Variants in BID observed in about 807,000 individuals in gnomAD.
The protein encoded by BID is BH3 interacting domain death agonist.
A neutral mutation model predicts 17.4 loss-of-function variants in BID; 19 were observed. That is an observed-to-expected ratio of 1.09 (90% CI 0.76 to 1.60). The LOEUF is 1.60. Ranked by LOEUF, BID falls within the 40% of genes most tolerant of loss-of-function variation. BID has a pLI of 0.00. For synonymous variants in BID, 108 were observed against 102.8 expected, an observed-to-expected ratio of 1.05 and a Z score of -0.31; for missense variants, 226 against 256.0, an observed-to-expected ratio of 0.88 and a Z score of 0.80.
intron 1 of BID, 90 bp from the exon 2 acceptor site, chr22:17,750,264 G>C (rs2061527776): frequency 8.7e-7 from 1 of 1,147,528 alleles, no homozygotes; most frequent in South Asian, 1.3e-5. Context: ...CTGTGCTCCA[G>C]AAATGGCGGC....
chr22:17,767,221 C>G (rs2061685395), intron 1 of BID, among the ~76,000 whole-genome samples: 2 of 37,158 alleles, frequency 5.4e-5, no homozygotes, highest in Non-Finnish European at 9.1e-5. Context: ...GAGATTCCAT[C>G]TCAAAAAAAA....
At chr22:17,745,575 A>T (rs914224989) in intron 2 of BID, among the ~76,000 whole-genome samples, 3 of 152,108 alleles carry the variant, frequency 2.0e-5, no homozygotes, top group Non-Finnish European at 4.4e-5. Context: ...ACTTGAGCCC[A>T]GAAGTTTGAG....
chr22:17,773,544 GC>G lies in BID; in HGVS notation c.-59+836del. 6.4e-7 allele frequency: 1 copy of G among 1,566,144 alleles called. No homozygotes were observed. ...GGGTGGGTCCATCTGCTCCTCACCT[GC>G]CCCAACCCTGCCTGCAGGTGAAGGC... On this transcript the variant is annotated intron_variant, in intron 1 of 5. Transcript: ENST00000622694. The surrounding 1 kb of genome is among the most constrained non-coding windows in gnomAD (Gnocchi z 4.4).
rs749551829 is a variant in BID at position 17,743,819 on chromosome 22, C to G, written c.207G>C (p.Leu69Phe). ...TDGNRSSHSR[L>F]GRIEADSESQ... ...GCCGCCTACCTGCCTCTATTCTTCC[C>G]AAGCGGGAGTGGCTGCTGCGGTTGC... Residue 69 changes from leucine to phenylalanine, a missense_variant, in exon 3 of 6, where the codon TTG becomes TTC. By Grantham distance (22) the Leu-to-Phe change is conservative. Coordinates refer to ENST00000622694, the MANE Select transcript of BID (RefSeq NM_001196.4). 1.9e-6 allele frequency: 3 copies of G among 1,612,724 alleles called. No homozygotes were observed. The highest frequency in any genetic ancestry group is 2.5e-6 in the Non-Finnish European group (3 of 1,179,584).
rs555576055 is a variant in BID, at chr22:17,758,275, G to A, written c.-58-8101C>T. Reference sequence around the variant, plus strand: ...CCTCGCAGGCACTGACTCCACGGTCGCCTCAGTTCCTCTAGAAGTGGCTGG... The same window carrying A: ...CCTCGCAGGCACTGACTCCACGGTCACCTCAGTTCCTCTAGAAGTGGCTGG... On this transcript the variant is annotated intron_variant, in intron 1 of 5. Coordinates refer to ENST00000622694, the MANE Select transcript of BID (RefSeq NM_001196.4). 6.6e-5 allele frequency among the ~76,000 whole-genome samples: 10 copies of A among 152,338 alleles called. No individual in the cohort carries two copies. In the East Asian group the frequency reaches 9.6e-4, roughly 15 times the overall value.
chr22:17,749,302 T>G (rs952615967), intron 2 of BID, among the ~76,000 whole-genome samples: 21 of 152,210 alleles, frequency 1.4e-4, no homozygotes, highest in African/African-American at 5.1e-4. Flanking sequence ...GGGAGCGTCC[T>G]GCTGAAGGCG....
At chr22:17,767,308 T>A (rs56237962) in intron 1 of BID, among the ~76,000 whole-genome samples, 3,006 of 152,188 alleles carry the variant, frequency 0.02, 44 homozygotes, top group Admixed American at 0.03. Context: ...AAATATTTAC[T>A]TACATAAGCT....
chr22:17,756,300 T>A (rs1351179547), intron 1 of BID, among the ~76,000 whole-genome samples: 3 of 152,226 alleles, frequency 2.0e-5, no homozygotes, highest in Non-Finnish European at 4.4e-5. Context: ...TGGAAATGCG[T>A]TGACAAACTG....
At position 17,750,832 on chromosome 22, in the gene BID, AG is replaced by A. The variant is rs769660617; in HGVS notation, c.-58-659del. ...GACAGAGCGAGACTCCATCTCAAAA[AG>A]AATGACCAGTCTGGCCAACATGGTG... On this transcript the variant is annotated intron_variant, in intron 1 of 5. Coordinates refer to ENST00000622694, the MANE Select transcript of BID (RefSeq NM_001196.4). Among the ~76,000 whole-genome samples the A allele has an allele frequency of 1.7e-3, 257 of 152,266 alleles. 1 individual carries two copies. Among genetic ancestry groups the A allele is most frequent in the Non-Finnish European group, 1.9e-3 (131 of 68,028 alleles).
At chr22:17,754,781 G>A (rs2061569061) in intron 1 of BID, among the ~76,000 whole-genome samples, 1 of 151,030 alleles carries the variant, frequency 6.6e-6, no homozygotes, top group African/African-American at 2.4e-5. Context: ...TGTTTTTTTT[G>A]GAGACAGAGT....
chr22:17,751,222 A>G (rs976479010), intron 1 of BID, among the ~76,000 whole-genome samples: 1 of 149,862 alleles, frequency 6.7e-6, no homozygotes, highest in Non-Finnish European at 1.5e-5. Context: ...AATACAAAAA[A>G]TTAGCCGGGC....
intron 1 of BID, among the ~76,000 whole-genome samples, chr22:17,768,876 A>T (rs1203813461): frequency 4.0e-5 from 6 of 148,956 alleles, no homozygotes; most frequent in Non-Finnish European, 7.5e-5. Flanking sequence ...CCGTCTCAAA[A>T]AAAAAAAAAA....
Position 17,773,738 on chromosome 22 carries a change from GTGGC to G in BID, c.-59+639_-59+642del. 2 of 1,577,364 alleles carry G rather than the reference GTGGC, an allele frequency of 1.3e-6. No individual in the cohort carries two copies. Among genetic ancestry groups the G allele is most frequent in the Non-Finnish European group, 1.7e-6 (2 of 1,160,822 alleles). On this transcript the variant is annotated intron_variant, in intron 1 of 5. Transcript: ENST00000622694. The surrounding 1 kb of genome is among the most constrained non-coding windows in gnomAD (Gnocchi z 4.4). ...GAACCCTTGCCAGCCCAGCCACTTG[GTGGC>G]TGAGGGCTTCAGAGCTCTCCCAGGG...
chr22:17,739,536 C>T (rs777025349), intron 3 of BID, 48 bp from the exon 4 acceptor site: 6 of 1,577,472 alleles, frequency 3.8e-6, no homozygotes, highest in South Asian at 1.1e-5. Context: ...CAGAAAATGT[C>T]CCTGATACCC....
In BID at chr22:17,734,743, A is replaced by C. The variant is rs184390244; in HGVS notation, c.*837T>G. 6.6e-6 allele frequency: 1 copy of C among 152,264 alleles called. No individual in the cohort carries two copies. The highest frequency in any genetic ancestry group is 1.9e-4 in the East Asian group (1 of 5,180). 9.4% of individuals were successfully genotyped at this position (152,264 alleles called of 1,614,324 possible). ...GTTTACAGCTATTACCAGGGGGCTAACTCCCGGGGCATCGCAGTAGCTTCT... is the reference window on the plus strand; with the variant it reads ...GTTTACAGCTATTACCAGGGGGCTACCTCCCGGGGCATCGCAGTAGCTTCT... On this transcript the variant is annotated 3_prime_UTR_variant, in exon 6 of 6. Transcript: ENST00000622694.
chr22:17,767,650 A>G (rs1010224335), intron 1 of BID, among the ~76,000 whole-genome samples: 9 of 152,238 alleles, frequency 5.9e-5, no homozygotes, highest in African/African-American at 2.2e-4. Context: ...GATGAGCAAA[A>G]CAATATGACC....
In BID at chr22:17,773,995, G is replaced by A. The variant is rs899409679; in HGVS notation, c.-59+386C>T. ...CCGCCGGCAAGGGTGGCCTGCACCC[G>A]GCCAGGCCCGCGGGTTTTCTCCTCT... On this transcript the variant is annotated intron_variant, in intron 1 of 5. Coordinates refer to ENST00000622694, the MANE Select transcript of BID (RefSeq NM_001196.4). This position sits in a 1 kb window ranked among gnomAD's most constrained non-coding sequence, Gnocchi z 4.4. The A allele has an allele frequency of 1.7e-5, 8 of 484,732 alleles. No individual in the cohort carries two copies. Among genetic ancestry groups the A allele is most frequent in the Admixed American group, 7.6e-5 (2 of 26,184 alleles). 30.0% of individuals were successfully genotyped at this position (484,732 alleles called of 1,614,324 possible). A position where few individuals can be genotyped will look rare whatever the true frequency, so the allele number is the denominator to read the frequency against.
In BID at chr22:17,750,503, TAGAG is replaced by T. The variant is rs549175781; in HGVS notation, c.-58-333_-58-330del. Among the ~76,000 whole-genome samples the T allele has an allele frequency of 2.9e-3, 437 of 152,258 alleles. 1 individual carries two copies. The highest frequency in any genetic ancestry group is 1.0e-2 in the African/African-American group (414 of 41,552). On this transcript the variant is annotated intron_variant, in intron 1 of 5. Coordinates refer to ENST00000622694, the MANE Select transcript of BID (RefSeq NM_001196.4). The stretch of plus-strand genomic sequence containing the variant: ...ATTATCATAAAATGTAAAATGTTTA[TAGAG>T]AGAGAGAATGGATTTGACAATTAAA...
chr22:17,773,801 CCAG>C lies in BID; in HGVS notation c.-59+577_-59+579del, dbSNP rs1403930451. The C allele has an allele frequency of 1.5e-5, 15 of 1,016,952 alleles. No homozygotes were observed. The highest frequency in any genetic ancestry group is 1.8e-5 in the Non-Finnish European group (12 of 684,380). The allele number at this position is 1,016,952 out of a possible 1,614,324, so 63.0% of individuals were successfully genotyped here. A position where few individuals can be genotyped will look rare whatever the true frequency, so the allele number is the denominator to read the frequency against. On this transcript the variant is annotated intron_variant, in intron 1 of 5. Transcript: ENST00000622694. This position sits in a 1 kb window ranked among gnomAD's most constrained non-coding sequence, Gnocchi z 4.4. ...GGTCATTCAGCCACTCAACAGTTTC[CCAG>C]CAGCAGCAGCGAGGATCCGCACATC...
Sources: allele counts gnomAD v4.1 joint callset (sites outside exome capture counted in the v4.1 genomes callset), GRCh38; gene constraint gnomAD v4.1.1; non-coding constraint Gnocchi (gnomAD v3.1); transcripts MANE v1.5; gene names NCBI Gene and HGNC (gene_info 2026-07-23, HGNC 2026-07-21).